Variants in DTD2 observed in about 807,000 individuals in gnomAD.
DTD2 encodes D-aminoacyl-tRNA deacylase 2.
DTD2 carries 12 observed loss-of-function variants against 15.5 expected under a neutral mutation model. The ratio of observed to expected loss-of-function variants is 0.77; its 90% CI spans 0.50 to 1.25. The LOEUF is 1.25. DTD2 is among the 50% of genes most tolerant of loss of function. The probability of loss-of-function intolerance (pLI) is 0.00; values close to 1 mark genes in which losing one functional copy is unlikely to be tolerated. For missense variants in DTD2, 170 were observed against 201.1 expected (o/e 0.85, Z 0.93); for synonymous variants, 59 against 77.3 (o/e 0.76, Z 1.24).
Position 31,457,066 on chromosome 14 carries a change from T to G in DTD2, c.111+217A>C, listed in dbSNP as rs1375825801. The G allele has an allele frequency of 5.3e-6, 3 of 566,728 alleles. No individual in the cohort carries two copies. In the African/African-American group the frequency reaches 5.8e-5, roughly 11 times the overall value. The allele number at this position is 566,728 out of a possible 1,614,324, so 35.1% of individuals were successfully genotyped here. A position where few individuals can be genotyped will look rare whatever the true frequency, so the allele number is the denominator to read the frequency against. On this transcript the variant is annotated intron_variant, in intron 1 of 2. Coordinates refer to ENST00000310850, the MANE Select transcript of DTD2 (RefSeq NM_080664.3). ...CAAGAAGGGAGACACGCTCTTCCTC[T>G]CGGGTGCTACAACTGGCGCTGGGGA...
intron 2 of DTD2, among the ~76,000 whole-genome samples, chr14:31,448,924 C>T (rs542708780): frequency 4.6e-5 from 7 of 152,226 alleles, no homozygotes; most frequent in African/African-American, 1.7e-4. Context: ...GACAGAGTCT[C>T]ACTCTGTCGC....
intron 1 of DTD2, among the ~76,000 whole-genome samples, chr14:31,455,635 G>A (rs1473011913): frequency 2.0e-5 from 3 of 150,508 alleles, no homozygotes; most frequent in African/African-American, 7.3e-5. Context: ...AGGCTGGAGT[G>A]CAGTGGCGTG....
intron 1 of DTD2, 34 bp downstream of exon 1, chr14:31,457,249 C>G: frequency 6.5e-7 from 1 of 1,536,174 alleles, no homozygotes. Context: ...CCCCGCACGC[C>G]GGAGGATAAC....
intron 1 of DTD2, 50 bp downstream of exon 1, chr14:31,457,233 A>T: frequency 2.0e-6 from 3 of 1,514,128 alleles, no homozygotes; most frequent in Non-Finnish European, 2.7e-6. Context: ...AACGCGGAAA[A>T]AACCGCCCCG....
intron 1 of DTD2, 56 bp downstream of exon 1, chr14:31,457,227 C>T (rs759925286): frequency 8.8e-6 from 13 of 1,477,246 alleles, no homozygotes; most frequent in South Asian, 1.2e-5. Context: ...CGAGACAACG[C>T]GGAAAAAACC....
rs533803017 is a variant in DTD2, at chr14:31,446,237, A to T, written c.*1892T>A. 1 of 152,310 alleles carries T rather than the reference A, an allele frequency of 6.6e-6. No individual in the cohort carries two copies. The highest frequency in any genetic ancestry group is 2.4e-5 in the African/African-American group (1 of 41,568). The allele number at this position is 152,310 out of a possible 1,614,324, so 9.4% of individuals were successfully genotyped here. ...ATCTTAGGAACACAGACCTAAAGAA[A>T]CTATAAGACACAACGGAAATTTCAG... is the stretch of plus-strand genomic sequence containing the variant. On this transcript the variant is annotated 3_prime_UTR_variant, in exon 3 of 3. Coordinates refer to ENST00000310850, the MANE Select transcript of DTD2 (RefSeq NM_080664.3).
intron 2 of DTD2, among the ~76,000 whole-genome samples, chr14:31,451,136 T>C (rs927968115): frequency 6.6e-6 from 1 of 151,262 alleles, no homozygotes; most frequent in Non-Finnish European, 1.5e-5. Context: ...GAGTCCTCAT[T>C]ACATTATGTT....
At chr14:31,456,915 T>A (rs2032100461) in intron 1 of DTD2, 1 of 230,648 alleles carries the variant, frequency 4.3e-6, no homozygotes, top group Non-Finnish European at 8.6e-6. Context: ...AAGCAGATCA[T>A]GAACTCTTGC....
rs774035651 is a variant in DTD2 at position 31,457,413 on chromosome 14, G to A, written c.-20C>T. The stretch of plus-strand genomic sequence containing the variant: ...AGCCATGGCTTAAGCCAGCGCCGCG[G>A]CCGGACAGTTACTAGGCCATGTGTC... On this transcript the variant is annotated 5_prime_UTR_variant, in exon 1 of 3. Transcript: ENST00000310850. The A allele has an allele frequency of 1.4e-5, 21 of 1,464,032 alleles. No individual in the cohort carries two copies. In the East Asian group the frequency reaches 4.7e-4, roughly 33 times the overall value. 90.7% of individuals were successfully genotyped at this position (1,464,032 alleles called of 1,614,324 possible). A position where few individuals can be genotyped will look rare whatever the true frequency, so the allele number is the denominator to read the frequency against.
At chr14:31,452,747 AAAT>A (rs900463468) in intron 2 of DTD2, 2 of 152,262 alleles carry the variant, frequency 1.3e-5, no homozygotes, top group African/African-American at 2.4e-5. Flanking sequence ...TTCACAACAC[AAAT>A]AATAAATTTT....
intron 2 of DTD2, among the ~76,000 whole-genome samples, chr14:31,451,941 A>T (rs2032039980): frequency 6.6e-6 from 1 of 152,156 alleles, no homozygotes; most frequent in African/African-American, 2.4e-5. Context: ...GTATATCTGA[A>T]CCTATGTAAT....
In DTD2 at chr14:31,448,371, T is replaced by A; in HGVS notation, c.265A>T (p.Ile89Phe). 1 of 1,614,212 alleles carries A rather than the reference T, an allele frequency of 6.2e-7. No individual in the cohort carries two copies. Among genetic ancestry groups the A allele is most frequent in the South Asian group, 1.1e-5 (1 of 91,082 alleles). ...SILDLPGNIL[I>F]IPQATLGGRL... ...CCTCCAAGGGTAGCTTGAGGGATAA[T>A]AAGAATGTTGCCAGGTAGATCCAAT... Residue 89 changes from isoleucine to phenylalanine, a missense_variant, in exon 3 of 3, where the codon ATT becomes TTT. Physicochemically the swap from Ile to Phe is conservative, Grantham distance 21. Coordinates refer to ENST00000310850, the MANE Select transcript of DTD2 (RefSeq NM_080664.3).
intron 1 of DTD2, among the ~76,000 whole-genome samples, chr14:31,455,987 G>A (rs76751810): frequency 0.01 from 1,590 of 152,280 alleles, 23 homozygotes; most frequent in African/African-American, 0.036. Flanking sequence ...TCTGGGAAAG[G>A]AGAGAGATAA....
chr14:31,451,065 G>C (rs1784240687), intron 2 of DTD2, among the ~76,000 whole-genome samples: 1 of 151,798 alleles, frequency 6.6e-6, no homozygotes, highest in Non-Finnish European at 1.5e-5. Context: ...ATTAATTTAG[G>C]AAAGTGGACA....
In DTD2 at chr14:31,447,587, G is replaced by C. The variant is rs1301804994; in HGVS notation, c.*542C>G. The C allele has an allele frequency of 6.6e-6, 1 of 151,906 alleles. No individual in the cohort carries two copies. Among genetic ancestry groups the C allele is most frequent in the African/African-American group, 2.4e-5 (1 of 41,400 alleles). 9.4% of individuals were successfully genotyped at this position (151,906 alleles called of 1,614,324 possible). ...TGTAGTCCCAGCACTTTGGGAGGCC[G>C]AGGTGGGCGGATCACGAGGTCAGGA... On this transcript the variant is annotated 3_prime_UTR_variant, in exon 3 of 3. Coordinates refer to ENST00000310850, the MANE Select transcript of DTD2 (RefSeq NM_080664.3).
At position 31,448,063 on chromosome 14, in the gene DTD2, G is replaced by GA. The variant is rs2139358980; in HGVS notation, c.*65dup. 1 of 1,361,096 alleles carries GA rather than the reference G, an allele frequency of 7.3e-7. No homozygotes were observed. Among genetic ancestry groups the GA allele is most frequent in the East Asian group, 2.3e-5 (1 of 43,426 alleles). 84.3% of individuals were successfully genotyped at this position (1,361,096 alleles called of 1,614,324 possible). On this transcript the variant is annotated 3_prime_UTR_variant, in exon 3 of 3. Transcript: ENST00000310850. Reference sequence around the variant, plus strand: ...TTAGTATATTCAAGATTAAGGGGAAGAAAATCTAATTATACTTTAGATCAT... The same window carrying GA: ...TTAGTATATTCAAGATTAAGGGGAAGAAAAATCTAATTATACTTTAGATCAT...
At position 31,457,226 on chromosome 14, in the gene DTD2, G is replaced by A. The variant is rs1007027022; in HGVS notation, c.111+57C>T. 1.0e-5 allele frequency: 15 copies of A among 1,466,766 alleles called. No homozygotes were observed. The East Asian group carries it at 3.5e-4, about 34-fold the overall frequency. 90.9% of individuals were successfully genotyped at this position (1,466,766 alleles called of 1,614,324 possible). ...AGAGCGGACGAGTCACCGAGACAAC[G>A]CGGAAAAAACCGCCCCGCACGCCGG... On this transcript the variant is annotated intron_variant, in intron 1 of 2. Coordinates refer to ENST00000310850, the MANE Select transcript of DTD2 (RefSeq NM_080664.3).
At chr14:31,453,454 G>T in intron 1 of DTD2, 110 bp from the exon 2 acceptor site, 1 of 871,204 alleles carries the variant, frequency 1.1e-6, no homozygotes. Flanking sequence ...GAGGTTAAAA[G>T]CACAGAAAAT....
intron 1 of DTD2, among the ~76,000 whole-genome samples, chr14:31,455,215 T>C (rs2032081361): frequency 6.6e-6 from 1 of 152,106 alleles, no homozygotes; most frequent in African/African-American, 2.4e-5. Context: ...GGAAACTAAA[T>C]GACTGATAGT....
Sources: gnomAD v4.1 joint callset for allele counts (sites outside exome capture counted in the v4.1 genomes callset) on GRCh38, gnomAD v4.1.1 for gene constraint, MANE v1.5 for transcripts, NCBI Gene and HGNC (gene_info 2026-07-23, HGNC 2026-07-21) for gene names.